GRID2: variants seen among roughly 807,000 people sequenced by gnomAD.
GRID2 encodes the protein glutamate ionotropic receptor delta type subunit 2.
In GRID2, 33 loss-of-function variants were observed where a neutral mutation model predicts 114.8. That is an observed-to-expected ratio of 0.29 (90% CI 0.22 to 0.38). GRID2 has a LOEUF of 0.38. Ranked by LOEUF, GRID2 falls within the 10% of genes least tolerant of loss-of-function variation. The probability of loss-of-function intolerance (pLI) is 1.00; values close to 1 mark genes in which losing one functional copy is unlikely to be tolerated. For synonymous variants in GRID2, 505 were observed against 449.9 expected, an observed-to-expected ratio of 1.12 and a Z score of -1.55; for missense variants, 1,184 against 1,257.7, an observed-to-expected ratio of 0.94 and a Z score of 0.89.
chr4:93,720,469 G>T, intron 14 of GRID2, among the ~76,000 whole-genome samples: 1 of 152,024 alleles, frequency 6.6e-6, no homozygotes, highest in Middle Eastern at 3.4e-3. Flanking sequence ...AATATTTCAC[G>T]AAACAGTCAG....
chr4:92,377,804 G>A (rs1366438359), intron 1 of GRID2, among the ~76,000 whole-genome samples: 1 of 152,028 alleles, frequency 6.6e-6, no homozygotes, highest in African/African-American at 2.4e-5. Flanking sequence ...GATCTCATGA[G>A]ACTACTTTAC....
chr4:92,726,276 C>T (rs1736065208), intron 2 of GRID2, among the ~76,000 whole-genome samples: 1 of 152,086 alleles, frequency 6.6e-6, no homozygotes. Flanking sequence ...ATCCTATGTG[C>T]AGGCATTAAG....
chr4:92,985,066 G>A (rs1754424753), intron 2 of GRID2, among the ~76,000 whole-genome samples: 1 of 151,956 alleles, frequency 6.6e-6, no homozygotes, highest in African/African-American at 2.4e-5. Context: ...AAGTTTTTGA[G>A]ACTGTAACAA....
chr4:92,331,756 T>C (rs1034626825), intron 1 of GRID2, among the ~76,000 whole-genome samples: 1 of 152,182 alleles, frequency 6.6e-6, no homozygotes, highest in African/African-American at 2.4e-5. Context: ...ATTTATACAG[T>C]AGAGTTAATT....
chr4:92,655,445 A>G (rs1431340182), intron 2 of GRID2, among the ~76,000 whole-genome samples: 1 of 151,672 alleles, frequency 6.6e-6, no homozygotes, highest in Non-Finnish European at 1.5e-5. Context: ...TTTGACAAGG[A>G]TTGGATTGGA....
chr4:92,565,053 T>C (rs1178322852), intron 1 of GRID2, among the ~76,000 whole-genome samples: 1 of 151,470 alleles, frequency 6.6e-6, no homozygotes, highest in African/African-American at 2.4e-5. Flanking sequence ...GTGGGAATGG[T>C]TTTGACAAGG....
intron 13 of GRID2, among the ~76,000 whole-genome samples, chr4:93,563,673 G>T (rs1310028717): frequency 6.6e-6 from 1 of 151,898 alleles, no homozygotes; most frequent in African/African-American, 2.4e-5. Flanking sequence ...ACAAAGCAAA[G>T]TCAGATCTAA....
intron 13 of GRID2, among the ~76,000 whole-genome samples, chr4:93,518,010 T>C (rs1729954469): frequency 2.2e-5 from 1 of 45,634 alleles, no homozygotes; most frequent in Non-Finnish European, 6.3e-5. Flanking sequence ...TATATGTATG[T>C]ATATACATAC....
At chr4:93,301,489 A>G (rs2149168275) in intron 8 of GRID2, among the ~76,000 whole-genome samples, 1 of 152,316 alleles carries the variant, frequency 6.6e-6, no homozygotes. Context: ...AGCATTATGT[A>G]GTTTTAAACA....
At chr4:93,291,734 G>A (rs974636700) in intron 8 of GRID2, among the ~76,000 whole-genome samples, 2 of 151,852 alleles carry the variant, frequency 1.3e-5, no homozygotes, top group Non-Finnish European at 2.9e-5. Flanking sequence ...GCCTCAAGAT[G>A]GCCTTTGTAA....
chr4:92,914,847 G>A (rs1310511390), intron 2 of GRID2, among the ~76,000 whole-genome samples: 1 of 152,024 alleles, frequency 6.6e-6, no homozygotes, highest in African/African-American at 2.4e-5. Context: ...TTGATTCTAT[G>A]TCTTTGCTAT....
At chr4:92,332,648 G>T (rs1214190731) in intron 1 of GRID2, among the ~76,000 whole-genome samples, 1 of 152,072 alleles carries the variant, frequency 6.6e-6, no homozygotes, top group African/African-American at 2.4e-5. Flanking sequence ...TTATTCTGAG[G>T]CAAATTATTT....
chr4:92,782,166 G>A (rs1252158371), intron 2 of GRID2, among the ~76,000 whole-genome samples: 1 of 151,938 alleles, frequency 6.6e-6, no homozygotes, highest in Non-Finnish European at 1.5e-5. Flanking sequence ...TCCTCAAAGG[G>A]CTGACAGTAA....
At chr4:92,933,703 G>A (rs941735119) in intron 2 of GRID2, among the ~76,000 whole-genome samples, 2 of 151,536 alleles carry the variant, frequency 1.3e-5, no homozygotes, top group East Asian at 1.9e-4. Flanking sequence ...GAACTTCTGA[G>A]TAAAATTGAG....
intron 2 of GRID2, among the ~76,000 whole-genome samples, chr4:92,650,912 G>T (rs1731896221): frequency 6.6e-6 from 1 of 152,008 alleles, no homozygotes; most frequent in Admixed American, 6.6e-5. Context: ...TTATCACCTT[G>T]CTGGAATTGG....
intron 12 of GRID2, among the ~76,000 whole-genome samples, chr4:93,508,402 G>A (rs1485580162): frequency 6.6e-6 from 1 of 151,910 alleles, no homozygotes; most frequent in Middle Eastern, 3.4e-3. Flanking sequence ...TCACCATGTT[G>A]GCCAGGATAC....
intron 2 of GRID2, among the ~76,000 whole-genome samples, chr4:92,617,366 C>T (rs1185976762): frequency 2.6e-5 from 4 of 151,550 alleles, no homozygotes; most frequent in African/African-American, 9.7e-5. Context: ...CTAATGCTCT[C>T]CCTCCACTTG....
intron 2 of GRID2, among the ~76,000 whole-genome samples, chr4:92,768,890 T>C (rs1041269373): frequency 1.3e-5 from 2 of 152,136 alleles, no homozygotes; most frequent in Non-Finnish European, 2.9e-5. Flanking sequence ...CAAGATGAGA[T>C]TTGCGTGGGG....
intron 2 of GRID2, among the ~76,000 whole-genome samples, chr4:92,704,703 C>CTCTCTCTCTCTCTCTCTCTCTCTCTT (rs1579878262): frequency 2.4e-4 from 34 of 139,734 alleles, no homozygotes; most frequent in South Asian, 9.4e-4. Flanking sequence ...ATCAATCAAT[C>CTCTCTCTCTCTCTCTCTCTCTCTCTT]TCTCTCTCTC....
Sources: allele counts gnomAD v4.1 joint callset (sites outside exome capture counted in the v4.1 genomes callset), GRCh38; gene constraint gnomAD v4.1.1; transcripts MANE v1.5; gene names NCBI Gene and HGNC (gene_info 2026-07-23, HGNC 2026-07-21).